The following TTN variants were observed in gnomAD, a reference collection of about 807,000 sequenced individuals.
TTN encodes the protein connectin.
A neutral mutation model predicts 3,223.0 loss-of-function variants in TTN; 1,525 were observed. The observed-to-expected ratio is 0.47, with a 90% CI of 0.45 to 0.49. The LOEUF (loss-of-function observed/expected upper bound fraction) is 0.49, where lower values mean the gene tolerates loss of function less well. Among genes scored for constraint, TTN ranks in the 20% least tolerant of loss-of-function variants. TTN has a pLI of 0.00. For missense variants in TTN, 40,786 were observed against 43,424.0 expected, an observed-to-expected ratio of 0.94 and a Z score of 5.40; for synonymous variants, 14,094 against 15,161.0, an observed-to-expected ratio of 0.93 and a Z score of 5.17.
rs2056680057 is a variant in TTN at position 178,613,261 on chromosome 2, A to G, written c.49548T>C (p.Thr16516=). 2 of 1,609,704 alleles carry G rather than the reference A, an allele frequency of 1.2e-6. No individual in the cohort carries two copies. Among genetic ancestry groups the G allele is most frequent in the Admixed American group, 1.7e-5 (1 of 59,596 alleles). ...KDTTYRVKGL[T]NKKKYRFRVL... ...CACGGAATCTGTATTTTTTCTTATTAGTGAGACCTTTCACTCTGAATTAGG... is the reference window on the plus strand; with the variant it reads ...CACGGAATCTGTATTTTTTCTTATTGGTGAGACCTTTCACTCTGAATTAGG... Residue 16516 remains threonine, a synonymous_variant, in exon 264 of 363, where the codon ACT becomes ACC. Coordinates refer to ENST00000589042, the MANE Select transcript of TTN (RefSeq NM_001267550.2).
chr2:178,551,341 T>C, intron 335 of TTN, 81 bp from the exon 336 acceptor site: 1 of 1,091,278 alleles, frequency 9.2e-7, no homozygotes, highest in Non-Finnish European at 1.2e-6. Context: ...AATACAATTA[T>C]TCTATAATTT....
chr2:178,633,097 T>A, intron 233 of TTN, 53 bp from the exon 234 acceptor site: 2 of 1,601,192 alleles, frequency 1.2e-6, no homozygotes, highest in Admixed American at 3.4e-5. Flanking sequence ...ATATAGTTAT[T>A]CCTACAAATC....
chr2:178,734,678 A>C (rs751777665), intron 51 of TTN, 29 bp downstream of exon 51: 11 of 1,580,040 alleles, frequency 7.0e-6, no homozygotes, highest in Middle Eastern at 1.7e-4. Context: ...TTCTCAGAAA[A>C]ATACTGGATG....
chr2:178,590,162 C>G lies in TTN; in HGVS notation c.61563G>C (p.Lys20521Asn). 1 of 1,613,014 alleles carries G rather than the reference C, an allele frequency of 6.2e-7. No individual in the cohort carries two copies. The highest frequency in any genetic ancestry group is 8.5e-7 in the Non-Finnish European group (1 of 1,179,402). ...GTAGATCCTGAATAAGGTCCACCCT[C>G]TTTTCTCGGACCAATACTTTGCCTT... ...TKEGKVLVREKRVDLIQDLPR... is the reference protein window; with the variant it reads ...TKEGKVLVRENRVDLIQDLPR... Residue 20521 changes from lysine to asparagine, a missense_variant, in exon 304 of 363, where the codon AAG becomes AAC. Coordinates refer to ENST00000589042, the MANE Select transcript of TTN (RefSeq NM_001267550.2).
chr2:178,715,802 G>A lies in TTN; in HGVS notation c.25640-28C>T, dbSNP rs755577482. 4.0e-5 allele frequency: 62 copies of A among 1,552,350 alleles called. No homozygotes were observed. In the Admixed American group the frequency reaches 1.2e-3, roughly 29 times the overall value. On this transcript the variant is annotated intron_variant, in intron 88 of 362. Transcript: ENST00000589042. ...ATGGAACCAAGAGGAAAAACACAGG[G>A]TAAGGGATGGAACAGATGCATATAA...
intron 99 of TTN, 111 bp from the exon 100 acceptor site, chr2:178,707,924 T>C: frequency 9.1e-7 from 1 of 1,094,662 alleles, no homozygotes; most frequent in Non-Finnish European, 1.3e-6. Context: ...ACACTGTTGC[T>C]GTAGTAGGAC....
chr2:178,567,236 A>T lies in TTN; in HGVS notation c.78896T>A (p.Val26299Asp), dbSNP rs73036377. 1.0e-4 allele frequency: 163 copies of T among 1,607,490 alleles called. No individual in the cohort carries two copies. The African/African-American group carries it at 1.8e-3, about 18-fold the overall frequency. ...TGTTAAAGAGCATTTTTCAGAAGTG[A>T]CTCCAGTAACCTGGACTGGCCCTTC... ...PPEGPVQVTG[V>D]TSEKCSLTWS... The change falls in exon 326 of 363, where the codon GTC (valine) becomes GAC (aspartate). Residue 26299 changes from valine (V) to aspartate (D), a missense_variant. Coordinates refer to ENST00000589042, the MANE Select transcript of TTN (RefSeq NM_001267550.2).
chr2:178,612,996 T>C lies in TTN; in HGVS notation c.49725A>G (p.Pro16575=), dbSNP rs1330767958. The change falls in exon 265 of 363, where the codon CCA becomes CCG. Residue 16575 remains proline (P), a synonymous_variant. Coordinates refer to ENST00000589042, the MANE Select transcript of TTN (RefSeq NM_001267550.2). ...CAATCTTTGCACCTCCATCATGTTCTGGTTTTGTCCAATTCAACCTTACTG... is the reference window on the plus strand; with the variant it reads ...CAATCTTTGCACCTCCATCATGTTCCGGTTTTGTCCAATTCAACCTTACTG... ...KTSVRLNWTK[P]EHDGGAKIES... is the part of the protein sequence containing the mutation. 6.2e-7 allele frequency: 1 copy of C among 1,612,814 alleles called. No individual in the cohort carries two copies.
Position 178,611,440 on chromosome 2 carries a change from G to A in TTN, c.50789C>T (p.Ala16930Val). The change falls in exon 269 of 363, where the codon GCA (alanine) becomes GTA (valine). Residue 16930 changes from alanine (A) to valine (V), a missense_variant. By Grantham distance (64) the Ala-to-Val change is moderately conservative. Transcript: ENST00000589042. ...PDKEYVLRVR[A>V]VNAIGVSEPS... ...CTCGCTGACACCAATAGCATTGACT[G>A]CTCTCACTCTCAGGACATATTCTTT... The A allele has an allele frequency of 1.2e-6, 2 of 1,612,842 alleles. No homozygotes were observed. The highest frequency in any genetic ancestry group is 1.7e-6 in the Non-Finnish European group (2 of 1,179,284).
Position 178,553,710 on chromosome 2 carries a change from A to G in TTN, c.89295T>C (p.Ala29765=), listed in dbSNP as rs375374658. The G allele has an allele frequency of 3.3e-5, 53 of 1,613,702 alleles. No homozygotes were observed. Among genetic ancestry groups the G allele is most frequent in the Non-Finnish European group, 4.5e-5 (53 of 1,179,790 alleles). ...TTATCTCGACAACATACCCAGTAAC[A>G]GCACTGCCCCCATCATAGACAGGCT... ...WSKPVYDGGS[A]VTGYVVEIRQ... Residue 29765 remains alanine, a synonymous_variant, in exon 334 of 363, where the codon GCT becomes GCC. Coordinates refer to ENST00000589042, the MANE Select transcript of TTN (RefSeq NM_001267550.2).
In TTN at chr2:178,770,147, T is replaced by C. The variant is rs1382675661; in HGVS notation, c.8554A>G (p.Met2852Val). 2 of 1,614,066 alleles carry C rather than the reference T, an allele frequency of 1.2e-6. No individual in the cohort carries two copies. Among genetic ancestry groups the C allele is most frequent in the Non-Finnish European group, 1.7e-6 (2 of 1,180,034 alleles). The change falls in exon 36 of 363, where the codon ATG becomes GTG. Residue 2852 changes from methionine (M) to valine (V), a missense_variant. Physicochemically the swap from Met to Val is conservative, Grantham distance 21. Coordinates refer to ENST00000589042, the MANE Select transcript of TTN (RefSeq NM_001267550.2). ...TCTGAGGGGGAGATGTTCTGCAGCA[T>C]CAGCTTGTGGACTTTCCTTTCTGAG... Reference protein sequence around the residue: ...LVSERKVHKLMLQNISPSDAG... With the variant: ...LVSERKVHKLVLQNISPSDAG...
chr2:178,702,644 T>C lies in TTN; in HGVS notation c.30243A>G (p.Thr10081=). 1.2e-6 allele frequency: 2 copies of C among 1,613,498 alleles called. No individual in the cohort carries two copies. The highest frequency in any genetic ancestry group is 1.7e-6 in the Non-Finnish European group (2 of 1,179,460). Residue 10081 remains threonine (T), a synonymous_variant, in exon 107 of 363, where the codon ACA becomes ACG. Coordinates refer to ENST00000589042, the MANE Select transcript of TTN (RefSeq NM_001267550.2). ...LRIEAEPIQF[T]KRIQNIVVSE... ...TCACCACGATGTTCTGTATGCGCTT[T>C]GTAAACTGAATTGGTTCAGCTGTTT... is the stretch of plus-strand genomic sequence containing the variant.
At chr2:178,771,146 C>T in intron 34 of TTN, 65 bp downstream of exon 34, 1 of 1,609,416 alleles carries the variant, frequency 6.2e-7, no homozygotes, top group Non-Finnish European at 8.5e-7. Context: ...TATCGTTTGT[C>T]TTTTAAAACG....
At chr2:178,778,841 A>G (rs747165310) in intron 24 of TTN, 33 bp downstream of exon 24, 6 of 1,613,430 alleles carry the variant, frequency 3.7e-6, no homozygotes, top group Non-Finnish European at 4.2e-6. Flanking sequence ...AACAATTTAC[A>G]TACTAAATAA....
chr2:178,570,263 G>A lies in TTN; in HGVS notation c.75869C>T (p.Pro25290Leu). The change falls in exon 326 of 363, where the codon CCT (proline) becomes CTT (leucine). Residue 25290 changes from proline (P) to leucine (L), a missense_variant. Coordinates refer to ENST00000589042, the MANE Select transcript of TTN (RefSeq NM_001267550.2). ...MAVNKYGVGE[P>L]LESEPVVAKN... is the part of the protein sequence containing the mutation. Reference sequence around the variant, plus strand: ...GGCAACTACTGGCTCAGATTCAAGAGGTTCACCAACACCATATTTGTTTAC... The same window carrying A: ...GGCAACTACTGGCTCAGATTCAAGAAGTTCACCAACACCATATTTGTTTAC... 6.2e-7 allele frequency: 1 copy of A among 1,613,308 alleles called. No individual in the cohort carries two copies. The highest frequency in any genetic ancestry group is 8.5e-7 in the Non-Finnish European group (1 of 1,179,608).
rs772241416 is a variant in TTN at position 178,532,557 on chromosome 2, C to T, written c.104058G>A (p.Glu34686=). The T allele has an allele frequency of 3.7e-6, 6 of 1,613,946 alleles. No individual in the cohort carries two copies. The highest frequency in any genetic ancestry group is 4.5e-5 in the East Asian group (2 of 44,870). ...TEEERLRLEE[E]LELGFSASPP... ...GTGAAGCTGAAAAACCTAACTCAAG[C>T]TCTTCTTCAAGACGCAGCCTCTCTT... Residue 34686 remains glutamate, a synonymous_variant, in exon 358 of 363, where the codon GAG becomes GAA. Coordinates refer to ENST00000589042, the MANE Select transcript of TTN (RefSeq NM_001267550.2).
At chr2:178,748,592 A>G (rs923333998) in intron 47 of TTN, 1 of 1,613,090 alleles carries the variant, frequency 6.2e-7, no homozygotes, top group Non-Finnish European at 8.5e-7. Context: ...TTGGATTTTA[A>G]AATAAGCTTC....
intron 241 of TTN, 77 bp from the exon 242 acceptor site, chr2:178,624,808 G>T: frequency 6.6e-7 from 1 of 1,526,446 alleles, no homozygotes; most frequent in Non-Finnish European, 8.9e-7. Flanking sequence ...ACTTTCCCCT[G>T]CCATCTCCAG....
Position 178,666,860 on chromosome 2 carries a change from G to A in TTN, c.35839C>T (p.Pro11947Ser). 6.4e-7 allele frequency: 1 copy of A among 1,572,450 alleles called. No individual in the cohort carries two copies. Among genetic ancestry groups the A allele is most frequent in the East Asian group, 2.3e-5 (1 of 43,392 alleles). ...FKEVIPEGETPIVKRRKTPSP... is the reference protein window; with the variant it reads ...FKEVIPEGETSIVKRRKTPSP... ...GGTGTTTTTCTTCTTTTAACAATAGGAGTTTCTCCCTCTGGAATGACTTCC... is the reference window on the plus strand; with the variant it reads ...GGTGTTTTTCTTCTTTTAACAATAGAAGTTTCTCCCTCTGGAATGACTTCC... Residue 11947 changes from proline (P) to serine (S), a missense_variant, in exon 163 of 363, where the codon CCT (proline) becomes TCT (serine). Physicochemically the swap from Pro to Ser is moderately conservative, Grantham distance 74. Coordinates refer to ENST00000589042, the MANE Select transcript of TTN (RefSeq NM_001267550.2).
Sources: gnomAD v4.1 joint callset for allele counts on GRCh38, gnomAD v4.1.1 for gene constraint, MANE v1.5 for transcripts, NCBI Gene and HGNC (gene_info 2026-07-23, HGNC 2026-07-21) for gene names.